ERN2: variants seen among roughly 807,000 people sequenced by gnomAD.
The protein encoded by ERN2 is serine/threonine-protein kinase/endoribonuclease IRE2.
Under a neutral mutation model 107.9 loss-of-function variants are expected in ERN2, and 111 were observed. The ratio of observed to expected loss-of-function variants is 1.03; its 90% confidence interval spans 0.88 to 1.20. The LOEUF (loss-of-function observed/expected upper bound fraction) is 1.20. ERN2 is among the 50% of genes most tolerant of loss of function. The pLI, the probability that ERN2 is intolerant of heterozygous loss-of-function variation, is 0.00. For synonymous variants in ERN2, 524 were observed against 501.7 expected (o/e 1.04, Z -0.59); for missense variants, 1,225 against 1,197.9 (o/e 1.02, Z -0.33).
chr16:23,706,983 C>A (rs1452405369), intron 5 of ERN2, 24 bp downstream of exon 5: 1 of 1,608,856 alleles, frequency 6.2e-7, no homozygotes, highest in African/African-American at 1.3e-5. Flanking sequence ...GAACCTGGAC[C>A]CCACAGGCTG....
At position 23,694,857 on chromosome 16, in the gene ERN2, C is replaced by T. The variant is rs1221899701; in HGVS notation, c.1971G>A (p.Val657=). 1.2e-6 allele frequency: 2 copies of T among 1,614,096 alleles called. No individual in the cohort carries two copies. The highest frequency in any genetic ancestry group is 1.7e-6 in the Non-Finnish European group (2 of 1,180,030). Residue 657 remains valine, a synonymous_variant, in exon 17 of 22, where the codon GTG becomes GTA. Transcript: ENST00000256797. ...TCTTGCAGAGGCCGAAGTCTGAGAG[C>T]ACCACTCTGCCCAGGCCCTGGCTGT... ...GPDSQGLGRV[V]LSDFGLCKKL... is the part of the protein sequence containing the mutation.
chr16:23,692,366 T>C, intron 17 of ERN2, 35 bp from the exon 18 acceptor site: 1 of 1,604,678 alleles, frequency 6.2e-7, no homozygotes, highest in Non-Finnish European at 8.5e-7. Flanking sequence ...GAAGGAAATC[T>C]CTGCTTCCAG....
intron 1 of ERN2, 186 bp downstream of exon 1, chr16:23,712,909 G>A: frequency 1.8e-6 from 1 of 541,816 alleles, no homozygotes; most frequent in Non-Finnish European, 3.2e-6. Flanking sequence ...GTATTTGTTG[G>A]GGGCAACTGG....
chr16:23,695,413 G>T (rs752467544), intron 14 of ERN2, 24 bp from the exon 15 acceptor site: 3 of 1,562,900 alleles, frequency 1.9e-6, no homozygotes, highest in South Asian at 1.2e-5. Context: ...GATGGCGGGG[G>T]CAGGGGGGCA....
At chr16:23,692,407 C>G (rs1959638399) in intron 17 of ERN2, 76 bp from the exon 18 acceptor site, 1 of 1,509,980 alleles carries the variant, frequency 6.6e-7, no homozygotes, top group Admixed American at 1.8e-5. Flanking sequence ...CTCCCATGGG[C>G]TGATAGAGCT....
At chr16:23,704,818 C>T in intron 8 of ERN2, 65 bp downstream of exon 8, 1 of 1,542,058 alleles carries the variant, frequency 6.5e-7, no homozygotes, top group South Asian at 1.2e-5. Flanking sequence ...CTCGCCTGGC[C>T]ATCAGACCCA....
rs773955796 is a variant in ERN2, at chr16:23,695,903, A to T, written c.1601T>A (p.Phe534Tyr). The T allele has an allele frequency of 6.2e-7, 1 of 1,613,988 alleles. No homozygotes were observed. Among genetic ancestry groups the T allele is most frequent in the East Asian group, 2.2e-5 (1 of 44,882 alleles). Reference protein sequence around the residue: ...DVLGRGAGGTFVFRGQFEGRA... With the variant: ...DVLGRGAGGTYVFRGQFEGRA... The stretch of plus-strand genomic sequence containing the variant: ...CCTGGCTGCCACTCACCGGAAAACG[A>T]AAGTCCCGCCTGCCCCGCGGCCCAG... Residue 534 changes from phenylalanine (F) to tyrosine (Y), a missense_variant, in exon 14 of 22, where the codon TTC becomes TAC. Physicochemically the swap from Phe to Tyr is conservative, Grantham distance 22. Transcript: ENST00000256797.
chr16:23,713,188 A>T lies in ERN2; in HGVS notation c.-1T>A. 6.3e-7 allele frequency: 1 copy of T among 1,578,960 alleles called. No individual in the cohort carries two copies. Among genetic ancestry groups the T allele is most frequent in the Non-Finnish European group, 8.6e-7 (1 of 1,169,002 alleles). On this transcript the variant is annotated 5_prime_UTR_variant, in exon 1 of 22. Transcript: ENST00000256797. ...TCGACCCCCTGACCGCACTCGCCAT[A>T]GCGCCTGGGCAGCTGCACGGCTGGC...
chr16:23,696,043 C>A (rs1363751602), intron 13 of ERN2, 65 bp from the exon 14 acceptor site: 9 of 1,210,072 alleles, frequency 7.4e-6, no homozygotes, highest in Non-Finnish European at 1.1e-5. Context: ...CTGGCCCAGT[C>A]CAGACTCACC....
chr16:23,702,850 AT>A, intron 8 of ERN2, 148 bp from the exon 9 acceptor site: 1 of 713,942 alleles, frequency 1.4e-6, no homozygotes, highest in Non-Finnish European at 2.4e-6. Flanking sequence ...ACAACAGCAA[AT>A]GTGACATAAG....
intron 17 of ERN2, among the ~76,000 whole-genome samples, chr16:23,693,521 G>A (rs936302962): frequency 1.8e-4 from 27 of 151,796 alleles, no homozygotes; most frequent in African/African-American, 6.5e-4. Flanking sequence ...CCCAGGAGGT[G>A]GAGGTTGCAG....
At chr16:23,697,349 T>C (rs1280338010) in intron 13 of ERN2, 1 of 151,878 alleles carries the variant, frequency 6.6e-6, no homozygotes, top group African/African-American at 2.4e-5. Context: ...CTTTCTGGAG[T>C]AGATGGGCTC....
intron 11 of ERN2, 24 bp downstream of exon 11, chr16:23,702,128 A>G (rs946086355): frequency 1.2e-6 from 2 of 1,602,414 alleles, no homozygotes; most frequent in Non-Finnish European, 1.7e-6. Context: ...CCCTACCCCC[A>G]CTCTCTCCCC....
chr16:23,694,908 T>C lies in ERN2; in HGVS notation c.1920A>G (p.Pro640=), dbSNP rs750954854. Residue 640 remains proline, a synonymous_variant, in exon 17 of 22, where the codon CCA becomes CCG. Transcript: ENST00000256797. ...SLHIVHRDLK[P]GNILITGPDS... ...CAGGCCCGGTGATGAGAATATTTCCTGGCTTCAGGTCCCGGTGCACTGTGG... is the reference window on the plus strand; with the variant it reads ...CAGGCCCGGTGATGAGAATATTTCCCGGCTTCAGGTCCCGGTGCACTGTGG... The C allele has an allele frequency of 2.5e-6, 4 of 1,614,188 alleles. No individual in the cohort carries two copies. The highest frequency in any genetic ancestry group is 3.4e-6 in the Non-Finnish European group (4 of 1,180,024).
chr16:23,691,482 G>A (rs1567242478), intron 19 of ERN2, 57 bp from the exon 20 acceptor site: 1 of 1,573,334 alleles, frequency 6.4e-7, no homozygotes, highest in East Asian at 2.3e-5. Flanking sequence ...ACATAGCCAG[G>A]AGTGTGTTGT....
At chr16:23,709,424 T>G (rs1286884846) in intron 4 of ERN2, among the ~76,000 whole-genome samples, 1 of 152,222 alleles carries the variant, frequency 6.6e-6, no homozygotes, top group East Asian at 1.9e-4. Flanking sequence ...CATGTCTGTG[T>G]CTGTGTCCCT....
chr16:23,706,281 G>T (rs1960302637), intron 7 of ERN2, 49 bp downstream of exon 7: 1 of 1,314,476 alleles, frequency 7.6e-7, no homozygotes, highest in Non-Finnish European at 1.0e-6. Flanking sequence ...AGGGTTCCCT[G>T]GGTTGGGGAC....
intron 13 of ERN2, among the ~76,000 whole-genome samples, chr16:23,700,155 C>G (rs1567247825): frequency 6.6e-6 from 1 of 152,062 alleles, no homozygotes; most frequent in Non-Finnish European, 1.5e-5. Flanking sequence ...ATAGCGAGAC[C>G]CAATCTCTGC....
At chr16:23,700,877 A>T (rs1434161009) in intron 12 of ERN2, 82 bp downstream of exon 12, 1 of 1,519,560 alleles carries the variant, frequency 6.6e-7, no homozygotes, top group East Asian at 2.3e-5. Context: ...AGCTGGGTAG[A>T]GGGAGAGAGT....
Sources: gnomAD v4.1 joint callset for allele counts (sites outside exome capture counted in the v4.1 genomes callset) on GRCh38, gnomAD v4.1.1 for gene constraint, MANE v1.5 for transcripts, NCBI Gene and HGNC (gene_info 2026-07-23, HGNC 2026-07-21) for gene names.